STARD13: variants seen among roughly 807,000 people sequenced by gnomAD.
STARD13 encodes StAR related lipid transfer domain containing 13.
A neutral mutation model predicts 106.4 loss-of-function variants in STARD13; 62 were observed. The observed-to-expected ratio is 0.58, with a 90% CI of 0.48 to 0.72. The LOEUF is 0.72. Ranked by LOEUF, STARD13 falls within the 30% of genes least tolerant of loss-of-function variation. The pLI is 0.00. For missense variants in STARD13, 1,387 were observed against 1,424.0 expected (o/e 0.97, Z 0.42); for synonymous variants, 565 against 553.0 (o/e 1.02, Z -0.31).
At chr13:33,182,117 A>G (rs1380801451) in intron 1 of STARD13, among the ~76,000 whole-genome samples, 2 of 152,252 alleles carry the variant, frequency 1.3e-5, no homozygotes, top group Non-Finnish European at 2.9e-5. Context: ...ATGTACACAC[A>G]TCATACACAC....
At chr13:33,433,429 C>G in the STARD13 span, among the ~76,000 whole-genome samples, 1 of 152,112 alleles carries the variant, frequency 6.6e-6, no homozygotes, top group Admixed American at 6.5e-5. Flanking sequence ...ACATTGGGTT[C>G]CAGAGGAAGA....
At chr13:33,466,657 A>G in the STARD13 span, among the ~76,000 whole-genome samples, 1 of 152,228 alleles carries the variant, frequency 6.6e-6, no homozygotes, top group Admixed American at 6.5e-5. Flanking sequence ...ACTTTAATGT[A>G]TTTGTATACT....
chr13:33,158,191 A>AAGAGAGAGAG (rs371245565), intron 3 of STARD13, among the ~76,000 whole-genome samples: 1,677 of 148,610 alleles, frequency 0.011, 37 homozygotes, highest in African/African-American at 0.039. Flanking sequence ...GCTAGAGAGA[A>AAGAGAGAGAG]AGAGAGAGAG....
In STARD13 at chr13:33,118,069, A is replaced by C; in HGVS notation, c.2277T>G (p.Tyr759Ter). The change falls in exon 8 of 14, where the codon TAT (tyrosine) becomes TAG (stop). Residue 759 changes from tyrosine to a stop codon, truncating the protein, a stop_gained. Transcript: ENST00000336934. LOFTEE classifies it high-confidence loss of function. ...AATCTCATTATTTCCACTTACACTG[A>C]TAGATATGGAGAAAGGTCTCACTGA... ...NKLSETFLHIYQYVSKEQRLQ... is the reference protein window; with the variant it reads ...NKLSETFLHI 1 of 1,614,218 alleles carries C rather than the reference A, an allele frequency of 6.2e-7. No individual in the cohort carries two copies. The highest frequency in any genetic ancestry group is 8.5e-7 in the Non-Finnish European group (1 of 1,180,030).
the STARD13 span, among the ~76,000 whole-genome samples, chr13:33,490,296 C>G: frequency 6.6e-6 from 1 of 152,122 alleles, no homozygotes; most frequent in African/African-American, 2.4e-5. Context: ...GAAGGCAGTT[C>G]CCCGGCAAAG....
the STARD13 span, among the ~76,000 whole-genome samples, chr13:33,573,518 A>G: frequency 3.3e-5 from 5 of 152,304 alleles, no homozygotes; most frequent in East Asian, 9.6e-4. Context: ...CACAAATTAC[A>G]TGGCTCAAAA....
chr13:33,215,990 G>T (rs1888017178), intron 1 of STARD13, among the ~76,000 whole-genome samples: 1 of 152,144 alleles, frequency 6.6e-6, no homozygotes, highest in African/African-American at 2.4e-5. Context: ...ATCAGGGAAT[G>T]CAAATCTTAA....
chr13:33,665,010 T>G, the STARD13 span, among the ~76,000 whole-genome samples: 1 of 152,218 alleles, frequency 6.6e-6, no homozygotes, highest in East Asian at 1.9e-4. Flanking sequence ...TTTTGTAAAC[T>G]GTGTTGCAAA....
chr13:33,166,634 A>G (rs889722645), intron 2 of STARD13, among the ~76,000 whole-genome samples: 2 of 152,206 alleles, frequency 1.3e-5, no homozygotes, highest in Admixed American at 1.3e-4. Context: ...ATCCGAGAAG[A>G]AGTTAAAAGC....
the STARD13 span, among the ~76,000 whole-genome samples, chr13:33,572,925 G>A: frequency 3.3e-5 from 5 of 152,158 alleles, no homozygotes; most frequent in Non-Finnish European, 7.4e-5. Context: ...TGTATCTGTA[G>A]GGGATCCTGA....
chr13:33,436,823 C>T, the STARD13 span, among the ~76,000 whole-genome samples: 3 of 152,152 alleles, frequency 2.0e-5, no homozygotes, highest in Admixed American at 6.5e-5. Flanking sequence ...TTGGGTTTCA[C>T]ATTTTACCCC....
chr13:33,220,446 AC>A (rs1237301344), intron 1 of STARD13, among the ~76,000 whole-genome samples: 1 of 152,166 alleles, frequency 6.6e-6, no homozygotes, highest in African/African-American at 2.4e-5. Flanking sequence ...TAATCCCAGC[AC>A]TTTGGGAGGC....
chr13:33,172,617 T>C (rs995204222), intron 1 of STARD13, among the ~76,000 whole-genome samples: 1 of 152,204 alleles, frequency 6.6e-6, no homozygotes, highest in Non-Finnish European at 1.5e-5. Context: ...TCTAGCATGC[T>C]TGGGAACAGT....
chr13:33,189,398 C>T (rs185224684), intron 1 of STARD13, among the ~76,000 whole-genome samples: 3 of 114,018 alleles, frequency 2.6e-5, no homozygotes, highest in Non-Finnish European at 3.4e-5. Context: ...CAGAGAGTCC[C>T]TTCCCTTTCC....
chr13:33,619,102 T>A, the STARD13 span, among the ~76,000 whole-genome samples: 5 of 149,370 alleles, frequency 3.3e-5, no homozygotes, highest in African/African-American at 9.7e-5. Context: ...TTGACAAGCA[T>A]CTCTGAAAAC....
At chr13:33,533,913 C>A in the STARD13 span, among the ~76,000 whole-genome samples, 57 of 152,226 alleles carry the variant, frequency 3.7e-4, no homozygotes, top group Non-Finnish European at 7.2e-4. Context: ...TTTTCCATTA[C>A]ATGAATGTGT....
the STARD13 span, among the ~76,000 whole-genome samples, chr13:33,412,198 G>A: frequency 6.6e-6 from 1 of 152,136 alleles, no homozygotes; most frequent in East Asian, 1.9e-4. Context: ...TAATAAAAAT[G>A]GAGGAGAGGA....
intron 3 of STARD13, among the ~76,000 whole-genome samples, chr13:33,148,585 G>A (rs2147812): frequency 0.032 from 4,916 of 152,248 alleles, 275 homozygotes; most frequent in African/African-American, 0.11. Flanking sequence ...AATGCTGGTG[G>A]GAATGTGGAG....
At chr13:33,285,174 C>T (rs1891993563) in intron 1 of STARD13, among the ~76,000 whole-genome samples, 1 of 152,114 alleles carries the variant, frequency 6.6e-6, no homozygotes, top group African/African-American at 2.4e-5. Flanking sequence ...TCCTAAGATA[C>T]ACACTGAGTA....
Sources: gnomAD v4.1 joint callset for allele counts (sites outside exome capture counted in the v4.1 genomes callset) on GRCh38, gnomAD v4.1.1 for gene constraint, MANE v1.5 for transcripts, NCBI Gene and HGNC (gene_info 2026-07-23, HGNC 2026-07-21) for gene names.